The following ZFP62 variants were observed in gnomAD, a reference collection of about 807,000 sequenced individuals.
ZFP62 encodes zinc finger protein 62 homolog.
In ZFP62, 44 loss-of-function variants were observed where a neutral mutation model predicts 56.4. That is an observed-to-expected ratio of 0.78 (90% CI 0.61 to 1.00). The LOEUF (loss-of-function observed/expected upper bound fraction) is 1.00. ZFP62 is among the 50% of genes least tolerant of loss of function. The probability of loss-of-function intolerance (pLI) is 0.00; values close to 1 mark genes in which losing one functional copy is unlikely to be tolerated. For missense variants in ZFP62, 1,030 were observed against 1,085.7 expected, an observed-to-expected ratio of 0.95 and a Z score of 0.72; for synonymous variants, 421 against 388.9, an observed-to-expected ratio of 1.08 and a Z score of -0.97.
intron 1 of ZFP62, among the ~76,000 whole-genome samples, chr5:180,855,438 C>T (rs577569521): frequency 6.6e-6 from 1 of 152,306 alleles, no homozygotes; most frequent in South Asian, 2.1e-4. Flanking sequence ...GCATTAGCGT[C>T]TTCAGGCTGC....
chr5:180,855,445 C>T (rs1293274665), intron 1 of ZFP62, among the ~76,000 whole-genome samples: 4 of 152,160 alleles, frequency 2.6e-5, no homozygotes, highest in African/African-American at 9.7e-5. Flanking sequence ...CGTCTTCAGG[C>T]TGCTGCTTGC....
chr5:180,838,925 G>C, the ZFP62 span, among the ~76,000 whole-genome samples: 1 of 152,174 alleles, frequency 6.6e-6, no homozygotes, highest in East Asian at 1.9e-4. Flanking sequence ...CTTTAGAAAT[G>C]TATTTGTAGG....
In ZFP62 at chr5:180,849,192, T is replaced by C. The variant is rs1260831995; in HGVS notation, c.2303A>G (p.Asn768Ser). 8.3e-6 allele frequency: 13 copies of C among 1,561,294 alleles called. No individual in the cohort carries two copies. Among genetic ancestry groups the C allele is most frequent in the African/African-American group, 2.7e-5 (2 of 73,244 alleles). The stretch of plus-strand genomic sequence containing the variant: ...TTTATGCACTGTGAGGCCTGAGCTG[T>C]TCCTGAAGGCCTTCCCACACCTATC... The part of the protein sequence containing the change: ...VCDRCGKAFR[N>S]SSGLTVHKRI... Residue 768 changes from asparagine to serine, a missense_variant, in exon 2 of 2, where the codon AAC becomes AGC. Coordinates refer to ENST00000502412, the MANE Select transcript of ZFP62 (RefSeq NM_001172638.2).
chr5:180,843,750 G>C (rs1200767755), downstream of ZFP62, among the ~76,000 whole-genome samples: 1 of 152,192 alleles, frequency 6.6e-6, no homozygotes, highest in African/African-American at 2.4e-5. Flanking sequence ...GAGAAGATAT[G>C]AACAACGTAT....
intron 1 of ZFP62, among the ~76,000 whole-genome samples, chr5:180,852,429 CTCTAA>C (rs920233668): frequency 2.6e-5 from 4 of 152,132 alleles, no homozygotes; most frequent in African/African-American, 9.6e-5. Flanking sequence ...TGGCACGCAC[CTCTAA>C]TCCCAGCTAC....
the ZFP62 span, chr5:180,831,719 C>G: frequency 6.5e-6 from 1 of 152,828 alleles, no homozygotes; most frequent in African/African-American, 2.4e-5. Flanking sequence ...GACCTCCGCA[C>G]CCTACCCGGT....
In ZFP62 at chr5:180,850,194, G is replaced by A; in HGVS notation, c.1301C>T (p.Ser434Leu). 1.3e-6 allele frequency: 2 copies of A among 1,552,084 alleles called. No individual in the cohort carries two copies. The highest frequency in any genetic ancestry group is 1.2e-5 in the South Asian group (1 of 84,080). ...KECGKSFSYNSLLLQHRTIHT... is the reference protein window; with the variant it reads ...KECGKSFSYNLLLLQHRTIHT... Reference sequence around the variant, plus strand: ...AATAGTTCTGTGTTGAAGAAGTAGTGAGTTATAACTAAAGGATTTCCCACA... The same window carrying A: ...AATAGTTCTGTGTTGAAGAAGTAGTAAGTTATAACTAAAGGATTTCCCACA... The change falls in exon 2 of 2, where the codon TCA becomes TTA. Residue 434 changes from serine (S) to leucine (L), a missense_variant. Coordinates refer to ENST00000502412, the MANE Select transcript of ZFP62 (RefSeq NM_001172638.2).
chr5:180,843,190 G>A (rs1201979905), downstream of ZFP62, among the ~76,000 whole-genome samples: 4 of 151,644 alleles, frequency 2.6e-5, no homozygotes, highest in Non-Finnish European at 5.9e-5. Context: ...AGGATGGAAG[G>A]TAAGAAGTAT....
In ZFP62 at chr5:180,850,853, G is replaced by A; in HGVS notation, c.642C>T (p.Asn214=). 6.4e-7 allele frequency: 1 copy of A among 1,563,172 alleles called. No homozygotes were observed. ...KAYMSYSSLI[N]HKSTHSGEKN... ...TCTCCCCAGAATGGGTGCTTTTGTG[G>A]TTTATAAGGCTGGAGTAGGACATGT... Residue 214 remains asparagine (N), a synonymous_variant, in exon 2 of 2, where the codon AAC becomes AAT. Coordinates refer to ENST00000502412, the MANE Select transcript of ZFP62 (RefSeq NM_001172638.2).
the ZFP62 span, among the ~76,000 whole-genome samples, chr5:180,839,864 G>A: frequency 1.3e-5 from 2 of 152,342 alleles, no homozygotes; most frequent in African/African-American, 4.8e-5. Flanking sequence ...GCCAAGGACA[G>A]CTTCACAGTG....
At chr5:180,836,817 GCAGAGGCAGTAAGTAGGGACTGC>G in the ZFP62 span, among the ~76,000 whole-genome samples, 1 of 152,204 alleles carries the variant, frequency 6.6e-6, no homozygotes, top group Non-Finnish European at 1.5e-5. Context: ...GCTACTCTTT[GCAGAGGCAGTAAGTAGGGACTGC>G]CACAGCATTC....
downstream of ZFP62, among the ~76,000 whole-genome samples, chr5:180,846,914 T>G (rs201420769): frequency 6.6e-6 from 1 of 152,146 alleles, no homozygotes; most frequent in Non-Finnish European, 1.5e-5. Context: ...CAAAGGAGGA[T>G]AGAGAGCAAG....
chr5:180,859,163 A>G (rs180931744), intron 1 of ZFP62, among the ~76,000 whole-genome samples: 1 of 152,320 alleles, frequency 6.6e-6, no homozygotes, highest in South Asian at 2.1e-4. Context: ...ACAGACTGCA[A>G]CTAGCCCGGA....
the ZFP62 span, chr5:180,831,846 C>T: frequency 1.3e-5 from 2 of 152,406 alleles, no homozygotes; most frequent in African/African-American, 4.9e-5. Context: ...GAACTTTCTT[C>T]CTTTTCGTCC....
downstream of ZFP62, chr5:180,845,852 C>T (rs745378101): frequency 3.8e-4 from 377 of 985,308 alleles, 1 homozygote; most frequent in Non-Finnish European, 4.3e-4. Flanking sequence ...TGTTCAGTAC[C>T]GTTTCACGCC....
At position 180,848,767 on chromosome 5, in the gene ZFP62, G is replaced by T; in HGVS notation, c.*25C>A. ...TAAGGTATTTCTTCCATTTGAGTTCGGAGAGACTTGGTAAGCTCTGCCTGC... is the reference window on the plus strand; with the variant it reads ...TAAGGTATTTCTTCCATTTGAGTTCTGAGAGACTTGGTAAGCTCTGCCTGC... On this transcript the variant is annotated 3_prime_UTR_variant, in exon 2 of 2. Transcript: ENST00000502412. 6.8e-7 allele frequency: 1 copy of T among 1,479,386 alleles called. No individual in the cohort carries two copies. Among genetic ancestry groups the T allele is most frequent in the Non-Finnish European group, 9.0e-7 (1 of 1,112,574 alleles). 91.6% of individuals were successfully genotyped at this position (1,479,386 alleles called of 1,614,324 possible).
chr5:180,838,095 A>G, the ZFP62 span, among the ~76,000 whole-genome samples: 1 of 152,338 alleles, frequency 6.6e-6, no homozygotes, highest in Admixed American at 6.5e-5. Flanking sequence ...TAAGAGATGA[A>G]AAAAAGAATT....
chr5:180,854,033 A>G (rs567590301), intron 1 of ZFP62, among the ~76,000 whole-genome samples: 21 of 152,190 alleles, frequency 1.4e-4, no homozygotes, highest in African/African-American at 4.8e-4. Flanking sequence ...ATATTTCCTG[A>G]TTTCCTAGTT....
intron 1 of ZFP62, among the ~76,000 whole-genome samples, chr5:180,854,624 C>T (rs147268427): frequency 9.3e-4 from 141 of 152,208 alleles, no homozygotes; most frequent in African/African-American, 3.3e-3. Context: ...AATGCCTTGG[C>T]CAGGTGTTCT....
Sources: gnomAD v4.1 joint callset for allele counts (sites outside exome capture counted in the v4.1 genomes callset) on GRCh38, gnomAD v4.1.1 for gene constraint, MANE v1.5 for transcripts, NCBI Gene and HGNC (gene_info 2026-07-23, HGNC 2026-07-21) for gene names.